ANKS1B: variants seen among roughly 807,000 people sequenced by gnomAD.
The protein encoded by ANKS1B is ankyrin repeat and sterile alpha motif domain containing 1B.
In ANKS1B, 36 loss-of-function variants were observed where a neutral mutation model predicts 148.3. That is an observed-to-expected ratio of 0.24 (90% confidence interval 0.19 to 0.32). The LOEUF (loss-of-function observed/expected upper bound fraction) is 0.32. Ranked by LOEUF, ANKS1B falls within the 10% of genes least tolerant of loss-of-function variation. ANKS1B has a pLI of 1.00. For synonymous variants in ANKS1B, 542 were observed against 560.8 expected, an observed-to-expected ratio of 0.97 and a Z score of 0.47; for missense variants, 1,157 against 1,542.6, an observed-to-expected ratio of 0.75 and a Z score of 4.19.
At chr12:99,879,991 G>C (rs767401390) in intron 1 of ANKS1B, among the ~76,000 whole-genome samples, 3 of 152,144 alleles carry the variant, frequency 2.0e-5, no homozygotes, top group Non-Finnish European at 4.4e-5. Context: ...CATGAGCTCT[G>C]AGGTCAGATT....
At chr12:99,545,146 A>T (rs556687194) in intron 9 of ANKS1B, among the ~76,000 whole-genome samples, 53 of 152,248 alleles carry the variant, frequency 3.5e-4, no homozygotes, top group Non-Finnish European at 5.0e-4. Context: ...GACAACAAAA[A>T]CCAAGGCATT....
At chr12:99,137,092 G>C (rs570013423) in intron 15 of ANKS1B, among the ~76,000 whole-genome samples, 1 of 152,298 alleles carries the variant, frequency 6.6e-6, no homozygotes, top group East Asian at 1.9e-4. Context: ...TGGTTGTGCG[G>C]TAACAGGAAG....
intron 12 of ANKS1B, among the ~76,000 whole-genome samples, chr12:99,399,169 A>G (rs2094334796): frequency 6.6e-6 from 1 of 152,112 alleles, no homozygotes; most frequent in Admixed American, 6.6e-5. Context: ...CCTCACACCC[A>G]GCATTTTCTC....
At chr12:98,880,515 C>T (rs1051274403) in intron 17 of ANKS1B, among the ~76,000 whole-genome samples, 1 of 152,024 alleles carries the variant, frequency 6.6e-6, no homozygotes, top group African/African-American at 2.4e-5. Context: ...GCCTGTAATC[C>T]CAGCACTTTG....
intron 25 of ANKS1B, among the ~76,000 whole-genome samples, chr12:98,770,661 C>G (rs1056488383): frequency 6.6e-6 from 1 of 151,732 alleles, no homozygotes; most frequent in Non-Finnish European, 1.5e-5. Context: ...CATTTTCAAT[C>G]TTTCTTTAAA....
chr12:99,783,080 A>G (rs141936227), intron 4 of ANKS1B, among the ~76,000 whole-genome samples: 11 of 151,968 alleles, frequency 7.2e-5, no homozygotes, highest in African/African-American at 2.7e-4. Context: ...AATCCCAGCT[A>G]CTCAGGAGGC....
intron 8 of ANKS1B, among the ~76,000 whole-genome samples, chr12:99,735,807 C>CAAAAAAAAAAAAAAAA (rs376398944): frequency 4.6e-5 from 5 of 108,920 alleles, no homozygotes; most frequent in Non-Finnish European, 9.5e-5. Context: ...GGACATATAC[C>CAAAAAAAAAAAAAAAA]AAAAAAAAAA....
At chr12:99,438,925 T>C (rs978171391) in intron 11 of ANKS1B, among the ~76,000 whole-genome samples, 16 of 151,794 alleles carry the variant, frequency 1.1e-4, no homozygotes, top group African/African-American at 3.9e-4. Flanking sequence ...AGTCAAACTA[T>C]CATTATTATA....
chr12:99,816,764 T>G (rs1281725496), intron 2 of ANKS1B, among the ~76,000 whole-genome samples: 1 of 151,666 alleles, frequency 6.6e-6, no homozygotes, highest in Admixed American at 6.6e-5. Context: ...TTATGATATA[T>G]CCATATATAT....
rs77227547 is a variant in ANKS1B at position 98,808,566 on chromosome 12, C to A, written c.3067-648G>T. On this transcript the variant is annotated intron_variant, in intron 19 of 26. Coordinates refer to ENST00000683438, the MANE Select transcript of ANKS1B (RefSeq NM_001352186.2). The stretch of plus-strand genomic sequence containing the variant: ...GGGAAATTCAGTTCTGTTCCTCAAG[C>A]AGAAACCCTTGGGAACAGCATTTGG... Among the ~76,000 whole-genome samples the A allele has an allele frequency of 2.9e-3, 436 of 152,242 alleles. 6 individuals are homozygous for A. Among genetic ancestry groups the A allele is most frequent in the African/African-American group, 9.9e-3 (410 of 41,546 alleles).
At position 99,669,830 on chromosome 12, in the gene ANKS1B, C is replaced by T. The variant is rs73387952; in HGVS notation, c.1129-14620G>A. On this transcript the variant is annotated intron_variant, in intron 8 of 26. Coordinates refer to ENST00000683438, the MANE Select transcript of ANKS1B (RefSeq NM_001352186.2). ...GCCTTCCCCAACTCTAGTTTCTGTA[C>T]TTTCAACTCAGAGGATTACTTGACC... Among the ~76,000 whole-genome samples the T allele has an allele frequency of 9.6e-3, 1,468 of 152,230 alleles. 29 individuals carry two copies. The highest frequency in any genetic ancestry group is 0.033 in the African/African-American group (1,375 of 41,534).
At chr12:98,768,139 G>A (rs1242649457) in intron 25 of ANKS1B, among the ~76,000 whole-genome samples, 1 of 152,124 alleles carries the variant, frequency 6.6e-6, no homozygotes, top group East Asian at 1.9e-4. Flanking sequence ...GGCCTAGCAA[G>A]TTAGGGATAT....
At chr12:99,399,105 G>A (rs1205896737) in intron 12 of ANKS1B, among the ~76,000 whole-genome samples, 3 of 152,088 alleles carry the variant, frequency 2.0e-5, no homozygotes, top group Non-Finnish European at 4.4e-5. Flanking sequence ...AAATCTGACT[G>A]CATGGAACAA....
intron 12 of ANKS1B, among the ~76,000 whole-genome samples, chr12:99,312,637 A>G (rs1228113659): frequency 6.6e-6 from 1 of 152,156 alleles, no homozygotes; most frequent in South Asian, 2.1e-4. Flanking sequence ...ATGGAAGAAT[A>G]AAGATTAACC....
intron 8 of ANKS1B, among the ~76,000 whole-genome samples, chr12:99,660,426 C>T (rs2098471520): frequency 6.9e-6 from 1 of 145,626 alleles, no homozygotes; most frequent in African/African-American, 2.6e-5. Flanking sequence ...TGCAGTGGCA[C>T]AATCTCTGCT....
chr12:99,151,083 A>G (rs1195116994), intron 15 of ANKS1B, among the ~76,000 whole-genome samples: 1 of 152,194 alleles, frequency 6.6e-6, no homozygotes, highest in Admixed American at 6.5e-5. Context: ...GTGCACAACT[A>G]TTCTACAAAC....
intron 10 of ANKS1B, 76 bp from the exon 11 acceptor site, chr12:99,443,885 C>T: frequency 2.0e-6 from 3 of 1,496,448 alleles, no homozygotes; most frequent in Non-Finnish European, 2.7e-6. Flanking sequence ...ATTTTCTGAA[C>T]ATAAATTGAG....
intron 14 of ANKS1B, 75 bp downstream of exon 14, chr12:99,244,267 C>G (rs573741436): frequency 9.9e-7 from 1 of 1,007,770 alleles, no homozygotes; most frequent in African/African-American, 1.6e-5. Context: ...ATGCAATTAT[C>G]TAAAGATTCC....
intron 9 of ANKS1B, among the ~76,000 whole-genome samples, chr12:99,528,120 G>C (rs2096945967): frequency 6.6e-6 from 1 of 151,944 alleles, no homozygotes; most frequent in South Asian, 2.1e-4. Context: ...CAAGCAACGG[G>C]AAAAGTACTC....
Sources: gnomAD v4.1 joint callset for allele counts (sites outside exome capture counted in the v4.1 genomes callset) on GRCh38, gnomAD v4.1.1 for gene constraint, MANE v1.5 for transcripts, NCBI Gene and HGNC (gene_info 2026-07-23, HGNC 2026-07-21) for gene names.